Variants in STRN observed in about 807,000 individuals in gnomAD.
STRN encodes protein phosphatase 2 regulatory subunit B'''alpha.
In STRN, 53 loss-of-function variants were observed where a neutral mutation model predicts 96.3. That is an observed-to-expected ratio of 0.55 (90% CI 0.44 to 0.69). The LOEUF is 0.69. Ranked by LOEUF, STRN falls within the 30% of genes least tolerant of loss-of-function variation. The pLI, the probability that STRN is intolerant of heterozygous loss-of-function variation, is 0.00. For synonymous variants in STRN, 428 were observed against 355.9 expected (o/e 1.20, Z -2.28); for missense variants, 987 against 963.9 (o/e 1.02, Z -0.32).
At chr2:36,938,535 T>A (rs530582973) in intron 1 of STRN, among the ~76,000 whole-genome samples, 1 of 152,338 alleles carries the variant, frequency 6.6e-6, no homozygotes, top group African/African-American at 2.4e-5. Flanking sequence ...TCCAGCTTTG[T>A]CACTTACTGG....
Position 36,851,109 on chromosome 2 carries a change from TA to T in STRN, c.1979-3del. ...TTATTTGGCAGGAAGAGTTGGCTGC[TA>T]AAAAGAAAAAATTAAAAAGCAACAC... On this transcript the variant is annotated splice_region_variant and splice_polypyrimidine_tract_variant and intron_variant, in intron 15 of 17. Coordinates refer to ENST00000263918, the MANE Select transcript of STRN (RefSeq NM_003162.4). The T allele has an allele frequency of 6.2e-7, 1 of 1,606,840 alleles. No individual in the cohort carries two copies. The highest frequency in any genetic ancestry group is 8.5e-7 in the Non-Finnish European group (1 of 1,176,600).
intron 4 of STRN, among the ~76,000 whole-genome samples, chr2:36,904,638 C>T (rs1014101829): frequency 6.6e-5 from 10 of 152,116 alleles, no homozygotes; most frequent in Admixed American, 5.9e-4. Flanking sequence ...ATCAGCCTGG[C>T]CAACATGGCA....
intron 2 of STRN, among the ~76,000 whole-genome samples, chr2:36,924,226 G>A (rs1172806781): frequency 1.3e-5 from 2 of 151,830 alleles, no homozygotes; most frequent in Non-Finnish European, 2.9e-5. Flanking sequence ...CGTGGTGGCG[G>A]GCACCTGTAG....
intron 1 of STRN, among the ~76,000 whole-genome samples, chr2:36,936,173 T>G (rs1331678052): frequency 6.6e-6 from 1 of 152,208 alleles, no homozygotes; most frequent in Non-Finnish European, 1.5e-5. Context: ...TCCTGCTTGC[T>G]TATGTTCCTA....
intron 6 of STRN, among the ~76,000 whole-genome samples, chr2:36,894,246 T>G (rs1490309941): frequency 6.6e-6 from 1 of 152,240 alleles, no homozygotes; most frequent in African/African-American, 2.4e-5. Flanking sequence ...TATGGCTTGT[T>G]TTAAGTAAAC....
intron 1 of STRN, among the ~76,000 whole-genome samples, chr2:36,927,031 A>G (rs1670427713): frequency 6.6e-6 from 1 of 152,198 alleles, no homozygotes; most frequent in African/African-American, 2.4e-5. Context: ...TAATCAATGC[A>G]ATCAAACTTT....
intron 2 of STRN, among the ~76,000 whole-genome samples, chr2:36,919,124 T>A (rs1313711714): frequency 6.6e-6 from 1 of 152,232 alleles, no homozygotes; most frequent in Non-Finnish European, 1.5e-5. Context: ...AATAATTTGA[T>A]TAATTTCAAT....
At chr2:36,859,226 G>C (rs1202408716) in intron 13 of STRN, among the ~76,000 whole-genome samples, 1 of 152,140 alleles carries the variant, frequency 6.6e-6, no homozygotes, top group African/African-American at 2.4e-5. Flanking sequence ...AATAAGGTAA[G>C]CTTGGTAGTA....
chr2:36,893,809 C>T (rs1460499116), intron 7 of STRN, 89 bp downstream of exon 7: 6 of 1,450,788 alleles, frequency 4.1e-6, no homozygotes, highest in Non-Finnish European at 5.5e-6. Context: ...AATATTTCAA[C>T]ATTATAGTTA....
chr2:36,862,165 C>T (rs545185229), intron 12 of STRN, among the ~76,000 whole-genome samples: 3 of 152,216 alleles, frequency 2.0e-5, no homozygotes, highest in South Asian at 2.1e-4. Flanking sequence ...TCCAGTTTAC[C>T]GATGATGGGC....
chr2:36,885,788 G>T (rs550692314), intron 8 of STRN, among the ~76,000 whole-genome samples: 1 of 151,994 alleles, frequency 6.6e-6, no homozygotes, highest in African/African-American at 2.4e-5. Flanking sequence ...CCAGTCTTTC[G>T]CAACTTTAAA....
At chr2:36,910,264 A>C (rs1046710728) in intron 3 of STRN, among the ~76,000 whole-genome samples, 1 of 152,190 alleles carries the variant, frequency 6.6e-6, no homozygotes, top group African/African-American at 2.4e-5. Flanking sequence ...CGTGAGCGGA[A>C]GACTTTAAGG....
intron 1 of STRN, among the ~76,000 whole-genome samples, chr2:36,948,661 G>C (rs1179057400): frequency 6.6e-6 from 1 of 152,160 alleles, no homozygotes; most frequent in Non-Finnish European, 1.5e-5. Context: ...CTTGCATGTA[G>C]TAGACGCTCA....
At chr2:36,904,730 A>G (rs1170720950) in intron 4 of STRN, among the ~76,000 whole-genome samples, 1 of 152,154 alleles carries the variant, frequency 6.6e-6, no homozygotes, top group Admixed American at 6.5e-5. Context: ...CGGGAGGCTG[A>G]CGCAAGAGAA....
intron 11 of STRN, 76 bp downstream of exon 11, chr2:36,869,478 A>C: frequency 8.1e-7 from 1 of 1,241,596 alleles, no homozygotes; most frequent in Non-Finnish European, 1.1e-6. Context: ...ATTTAACAGA[A>C]ATCATAAAAT....
At chr2:36,874,338 G>A (rs1668845940) in intron 10 of STRN, among the ~76,000 whole-genome samples, 1 of 151,036 alleles carries the variant, frequency 6.6e-6, no homozygotes, top group African/African-American at 2.4e-5. Context: ...TTACTGAAGA[G>A]ACAATTAGTG....
chr2:36,891,090 G>A (rs1037120549), intron 7 of STRN, among the ~76,000 whole-genome samples: 8 of 152,210 alleles, frequency 5.3e-5, no homozygotes, highest in Non-Finnish European at 7.3e-5. Context: ...GCTCCAATGC[G>A]TATTTTCTTT....
At chr2:36,909,977 A>T (rs978211777) in intron 3 of STRN, among the ~76,000 whole-genome samples, 1 of 152,138 alleles carries the variant, frequency 6.6e-6, no homozygotes, top group Non-Finnish European at 1.5e-5. Context: ...GTTCTAGACC[A>T]GCCTGGCCAA....
chr2:36,940,770 G>C (rs1451697342), intron 1 of STRN, among the ~76,000 whole-genome samples: 1 of 146,674 alleles, frequency 6.8e-6, no homozygotes, highest in African/African-American at 2.5e-5. Context: ...CCGCGAAGCA[G>C]AGCTTGCAGT....
Sources: allele counts gnomAD v4.1 joint callset (sites outside exome capture counted in the v4.1 genomes callset), GRCh38; gene constraint gnomAD v4.1.1; transcripts MANE v1.5; gene names NCBI Gene and HGNC (gene_info 2026-07-23, HGNC 2026-07-21).